Variants in MATN2 observed in about 807,000 individuals in gnomAD.
The protein encoded by MATN2 is matrilin 2, also known as matrilin-2.
Under a neutral mutation model 103.2 loss-of-function variants are expected in MATN2, and 69 were observed. The observed-to-expected ratio is 0.67, with a 90% CI of 0.55 to 0.82. The LOEUF (loss-of-function observed/expected upper bound fraction) is 0.82, where lower values mean the gene tolerates loss of function less well. Among genes scored for constraint, MATN2 ranks in the 40% least tolerant of loss-of-function variants. MATN2 has a pLI of 0.00. For synonymous variants in MATN2, 429 were observed against 450.2 expected, an observed-to-expected ratio of 0.95 and a Z score of 0.60; for missense variants, 1,023 against 1,211.5, an observed-to-expected ratio of 0.84 and a Z score of 2.31.
chr8:97,937,859 A>T (rs1291787731), intron 3 of MATN2, among the ~76,000 whole-genome samples: 1 of 152,118 alleles, frequency 6.6e-6, no homozygotes, highest in Non-Finnish European at 1.5e-5. Context: ...TATTACAGGC[A>T]TGAGCCACCA....
chr8:97,922,627 G>T (rs1809849837), intron 2 of MATN2, among the ~76,000 whole-genome samples: 2 of 152,180 alleles, frequency 1.3e-5, no homozygotes, highest in South Asian at 4.1e-4. Flanking sequence ...AAAGGATCCA[G>T]GCTGAGGGGG....
chr8:98,011,870 C>A (rs545076010), intron 10 of MATN2, among the ~76,000 whole-genome samples: 1 of 152,178 alleles, frequency 6.6e-6, no homozygotes, highest in Non-Finnish European at 1.5e-5. Context: ...CCTGTGTCAG[C>A]GTGCAGGGCT....
intron 2 of MATN2, among the ~76,000 whole-genome samples, chr8:97,898,177 T>C (rs2130017957): frequency 6.6e-6 from 1 of 152,310 alleles, no homozygotes; most frequent in East Asian, 1.9e-4. Context: ...ATCCCTTCCG[T>C]GAGTGACAGT....
chr8:97,873,188 T>C (rs1409201893), intron 1 of MATN2, among the ~76,000 whole-genome samples: 1 of 152,048 alleles, frequency 6.6e-6, no homozygotes, highest in Admixed American at 6.6e-5. Flanking sequence ...AATATTAGAG[T>C]ATTAGATTGG....
chr8:97,869,449 C>CG (rs11413558), intron 1 of MATN2, among the ~76,000 whole-genome samples, 162 bp downstream of exon 1: 58,091 of 151,820 alleles, frequency 0.38, 11,776 homozygotes, highest in Admixed American at 0.46. Context: ...CCGGCGCCTT[C>CG]GACCCCTCCG....
At chr8:97,920,821 C>T (rs1809784051) in intron 2 of MATN2, among the ~76,000 whole-genome samples, 1 of 152,118 alleles carries the variant, frequency 6.6e-6, no homozygotes. Context: ...CATAAGCTCC[C>T]TCCAGTCTAT....
rs576852570 is a variant in MATN2, at chr8:97,987,123, G to A, written c.1082-7357G>A. On this transcript the variant is annotated intron_variant, in intron 6 of 18. Transcript: ENST00000254898. ...CTCAAAGTGCTGGGATTACAGGCGT[G>A]AGCCACCACACCTGGCCTACTTTTA... 2.6e-5 allele frequency among the ~76,000 whole-genome samples: 4 copies of A among 152,162 alleles called. No homozygotes were observed. The East Asian group carries it at 7.7e-4, about 29-fold the overall frequency.
rs1332024727 is a variant in MATN2 at position 98,007,157 on chromosome 8, C to T, written c.1380C>T (p.Asn460=). Residue 460 remains asparagine, a synonymous_variant, in exon 9 of 19, where the codon AAC becomes AAT. Transcript: ENST00000254898. The surrounding 1 kb of genome is among the most constrained non-coding windows in gnomAD (Gnocchi z 4.2). ...QDHGCEQLCL[N]TEDSFVCQCS... ...ATGGCTGTGAGCAGCTGTGTCTGAA[C>T]ACGGAGGATTCCTTCGTCTGCCAGT... is the stretch of plus-strand genomic sequence containing the variant. 1.2e-6 allele frequency: 2 copies of T among 1,613,574 alleles called. No individual in the cohort carries two copies. The highest frequency in any genetic ancestry group is 1.7e-6 in the Non-Finnish European group (2 of 1,179,738).
Position 98,007,456 on chromosome 8 carries a change from C to T in MATN2, c.1451-23C>T. The T allele has an allele frequency of 6.2e-7, 1 of 1,604,864 alleles. No homozygotes were observed. The highest frequency in any genetic ancestry group is 1.1e-5 in the South Asian group (1 of 90,752). On this transcript the variant is annotated intron_variant, in intron 9 of 18. Coordinates refer to ENST00000254898, the MANE Select transcript of MATN2 (RefSeq NM_002380.5). The surrounding 1 kb of genome is among the most constrained non-coding windows in gnomAD (Gnocchi z 4.2). ...GCCCAGAGGTCTCACTGATAAAGGGCTGCCTGGCTTTTGGTTTTGCAGGGG... is the reference window on the plus strand; with the variant it reads ...GCCCAGAGGTCTCACTGATAAAGGGTTGCCTGGCTTTTGGTTTTGCAGGGG...
chr8:97,932,455 C>T (rs537474630), intron 3 of MATN2, among the ~76,000 whole-genome samples: 354 of 152,354 alleles, frequency 2.3e-3, no homozygotes, highest in African/African-American at 8.3e-3. Context: ...CCTGCCAACT[C>T]TTTCTGCAGG....
chr8:97,962,365 G>T (rs1337150422), intron 5 of MATN2, among the ~76,000 whole-genome samples: 5 of 152,190 alleles, frequency 3.3e-5, no homozygotes, highest in Admixed American at 2.0e-4. Flanking sequence ...CGCACAAACA[G>T]GGTATGCTTA....
At chr8:97,912,296 A>G (rs1483246310) in intron 2 of MATN2, among the ~76,000 whole-genome samples, 1 of 152,238 alleles carries the variant, frequency 6.6e-6, no homozygotes, top group East Asian at 1.9e-4. Context: ...TATTTGCAGA[A>G]GAGCCTAGAA....
chr8:97,878,859 AAAG>A (rs961434338), intron 1 of MATN2, among the ~76,000 whole-genome samples: 20 of 152,224 alleles, frequency 1.3e-4, no homozygotes, highest in South Asian at 1.2e-3. Context: ...CTCAAAAAAA[AAAG>A]AAGAAGAAGG....
At position 97,931,192 on chromosome 8, in the gene MATN2, C is replaced by A; in HGVS notation, c.382C>A (p.Arg128=). The change falls in exon 3 of 19, where the codon CGG becomes AGG. Residue 128 remains arginine, a synonymous_variant. Coordinates refer to ENST00000254898, the MANE Select transcript of MATN2 (RefSeq NM_002380.5). This position sits in a 1 kb window ranked among gnomAD's most constrained non-coding sequence, Gnocchi z 4.1. ...SEVERAVKRM[R]HLSTGTMTGL... Reference sequence around the variant, plus strand: ...GGTGGAGCGTGCTGTCAAGAGGATGCGGCATCTGTCCACGGGCACCATGAC... The same window carrying A: ...GGTGGAGCGTGCTGTCAAGAGGATGAGGCATCTGTCCACGGGCACCATGAC... 1 of 1,612,822 alleles carries A rather than the reference C, an allele frequency of 6.2e-7. No individual in the cohort carries two copies. Among genetic ancestry groups the A allele is most frequent in the Non-Finnish European group, 8.5e-7 (1 of 1,179,028 alleles).
intron 3 of MATN2, among the ~76,000 whole-genome samples, chr8:97,939,289 T>G (rs531071529): frequency 6.6e-6 from 1 of 152,272 alleles, no homozygotes; most frequent in East Asian, 1.9e-4. Context: ...GTAAGGCACA[T>G]CGCAGCCTTT....
chr8:97,992,140 T>G (rs1812411703), intron 6 of MATN2, among the ~76,000 whole-genome samples: 1 of 152,132 alleles, frequency 6.6e-6, no homozygotes, highest in African/African-American at 2.4e-5. Flanking sequence ...AGAATATCCC[T>G]CCTCTTAGGA....
At chr8:97,877,403 G>A (rs1006288294) in intron 1 of MATN2, among the ~76,000 whole-genome samples, 5 of 151,918 alleles carry the variant, frequency 3.3e-5, no homozygotes, top group East Asian at 2.0e-4. Flanking sequence ...CTTGAACCCG[G>A]GAGGCGGAGG....
intron 7 of MATN2, among the ~76,000 whole-genome samples, chr8:97,998,667 A>AAAATTTTTTTTTATATTTTTAAAATTTTT (rs1812684212): frequency 6.6e-6 from 1 of 150,526 alleles, no homozygotes; most frequent in African/African-American, 2.4e-5. Flanking sequence ...TTAAAATTTT[A>AAAATTTTTTTTTATATTTTTAAAATTTTT]AAAATTTTTT....
rs182316015 is a variant in MATN2 at position 98,007,825 on chromosome 8, C to T, written c.1573+224C>T. On this transcript the variant is annotated intron_variant, in intron 10 of 18. Coordinates refer to ENST00000254898, the MANE Select transcript of MATN2 (RefSeq NM_002380.5). This position sits in a 1 kb window ranked among gnomAD's most constrained non-coding sequence, Gnocchi z 4.2. ...GCCCTGAAGTGGCTTTTTGCTGTTT[C>T]CACCTCCCTGTCATTCTGAAGCTGG... is the stretch of plus-strand genomic sequence containing the variant. 2.6e-5 allele frequency among the ~76,000 whole-genome samples: 4 copies of T among 152,262 alleles called. No homozygotes were observed. Among genetic ancestry groups the T allele is most frequent in the African/African-American group, 9.6e-5 (4 of 41,548 alleles).
Sources: gnomAD v4.1 joint callset for allele counts (sites outside exome capture counted in the v4.1 genomes callset) on GRCh38, gnomAD v4.1.1 for gene constraint, Gnocchi (gnomAD v3.1) non-coding constraint, MANE v1.5 for transcripts, NCBI Gene and HGNC (gene_info 2026-07-23, HGNC 2026-07-21) for gene names.